ACYP2: variants seen among roughly 807,000 people sequenced by gnomAD.
The protein encoded by ACYP2 is acylphosphatase 2.
ACYP2 carries 12 observed loss-of-function variants against 11.2 expected under a neutral mutation model. The ratio of observed to expected loss-of-function variants is 1.08; its 90% CI spans 0.69 to 1.74. The LOEUF is 1.74. ACYP2 is among the 40% of genes most tolerant of loss of function. ACYP2 has a pLI of 0.00. For synonymous variants in ACYP2, 43 were observed against 32.2 expected, an observed-to-expected ratio of 1.33 and a Z score of -1.13; for missense variants, 134 against 101.9, an observed-to-expected ratio of 1.31 and a Z score of -1.35.
intron 2 of ACYP2, among the ~76,000 whole-genome samples, chr2:53,974,991 A>G (rs1027102503): frequency 2.0e-5 from 3 of 152,134 alleles, no homozygotes; most frequent in African/African-American, 7.2e-5. Flanking sequence ...GGGATCTAGA[A>G]GAATAGAAAT....
At chr2:54,013,733 A>G (rs952721069) in intron 2 of ACYP2, among the ~76,000 whole-genome samples, 1 of 144,202 alleles carries the variant, frequency 6.9e-6, no homozygotes, top group Non-Finnish European at 1.5e-5. Flanking sequence ...AAAAAAGAAA[A>G]AAAAAAAAAA....
chr2:53,971,546 A>G (rs927190975), intron 1 of ACYP2, among the ~76,000 whole-genome samples: 1 of 152,020 alleles, frequency 6.6e-6, no homozygotes, highest in African/African-American at 2.4e-5. Flanking sequence ...CTATTTGAAC[A>G]GCTGTTTTGT....
chr2:54,252,829 G>A (rs1024066022), intron 6 of ACYP2, among the ~76,000 whole-genome samples: 15 of 151,794 alleles, frequency 9.9e-5, no homozygotes, highest in Non-Finnish European at 2.2e-4. Context: ...GTATGAACCT[G>A]GGAGGCGGAG....
chr2:54,241,102 G>T (rs1158189537), intron 6 of ACYP2, among the ~76,000 whole-genome samples: 1 of 152,074 alleles, frequency 6.6e-6, no homozygotes, highest in Non-Finnish European at 1.5e-5. Context: ...TTTCAGCCTT[G>T]GAGCAAGGAG....
chr2:54,297,173 T>A (rs1303531781), intron 6 of ACYP2, among the ~76,000 whole-genome samples: 1 of 152,040 alleles, frequency 6.6e-6, no homozygotes. Context: ...AGGCAAGTAG[T>A]CAAACTGACT....
At chr2:54,157,217 T>C (rs781256433) in intron 6 of ACYP2, among the ~76,000 whole-genome samples, 16 of 152,172 alleles carry the variant, frequency 1.1e-4, no homozygotes, top group African/African-American at 3.6e-4. Flanking sequence ...TGTATATATA[T>C]TGAAAATACA....
At chr2:54,104,528 T>G (rs911533112) in intron 4 of ACYP2, among the ~76,000 whole-genome samples, 5 of 152,166 alleles carry the variant, frequency 3.3e-5, no homozygotes, top group Non-Finnish European at 5.9e-5. Flanking sequence ...TGTAGTTAGA[T>G]TTTACCAAAC....
At chr2:54,271,616 T>C (rs1688309676) in intron 6 of ACYP2, among the ~76,000 whole-genome samples, 1 of 151,980 alleles carries the variant, frequency 6.6e-6, no homozygotes, top group African/African-American at 2.4e-5. Context: ...TAGCCCCTTA[T>C]CAGAGAGACT....
intron 6 of ACYP2, among the ~76,000 whole-genome samples, chr2:54,150,330 G>C (rs375632976): frequency 2.0e-5 from 3 of 152,326 alleles, no homozygotes; most frequent in South Asian, 2.1e-4. Flanking sequence ...CAGACAAGCC[G>C]AGGGTGTTGT....
intron 6 of ACYP2, among the ~76,000 whole-genome samples, chr2:54,179,244 G>A (rs1683602099): frequency 7.2e-6 from 1 of 138,770 alleles, no homozygotes. Flanking sequence ...GGTGTGAGGG[G>A]TGGGTGGGTG....
intron 6 of ACYP2, among the ~76,000 whole-genome samples, chr2:54,298,217 C>T (rs941873912): frequency 2.0e-4 from 30 of 152,174 alleles, no homozygotes; most frequent in African/African-American, 6.5e-4. Flanking sequence ...TTTAGTGTAA[C>T]AGTTACATTT....
At chr2:54,202,332 C>T (rs950362677) in intron 6 of ACYP2, among the ~76,000 whole-genome samples, 9 of 151,284 alleles carry the variant, frequency 5.9e-5, no homozygotes, top group Admixed American at 4.6e-4. Flanking sequence ...TGGTCAAACT[C>T]CTGATCTCAG....
chr2:54,019,865 C>A (rs1673909855), intron 2 of ACYP2, among the ~76,000 whole-genome samples: 1 of 151,792 alleles, frequency 6.6e-6, no homozygotes, highest in Non-Finnish European at 1.5e-5. Flanking sequence ...GGTGATCCAC[C>A]TGCCTCGGCC....
intron 2 of ACYP2, among the ~76,000 whole-genome samples, chr2:54,022,157 T>C (rs987670015): frequency 3.0e-4 from 46 of 152,190 alleles, no homozygotes; most frequent in African/African-American, 1.1e-3. Flanking sequence ...ATTTGCTTTT[T>C]TCCCTCTCTC....
At chr2:54,058,989 A>T (rs1676319967) in intron 4 of ACYP2, among the ~76,000 whole-genome samples, 1 of 151,824 alleles carries the variant, frequency 6.6e-6, no homozygotes, top group Non-Finnish European at 1.5e-5. Context: ...GGGGTTTGGA[A>T]AGTTTCTGGT....
At chr2:54,171,808 A>C (rs1683231864) in intron 6 of ACYP2, among the ~76,000 whole-genome samples, 1 of 152,160 alleles carries the variant, frequency 6.6e-6, no homozygotes. Flanking sequence ...ACGGCTTTTT[A>C]GTTCTTAATA....
chr2:54,194,700 TTC>T (rs1423204442), intron 6 of ACYP2, among the ~76,000 whole-genome samples: 1 of 152,182 alleles, frequency 6.6e-6, no homozygotes, highest in Non-Finnish European at 1.5e-5. Context: ...TGCAAACACT[TTC>T]TGTTGCTTTG....
chr2:54,168,568 G>A (rs1186475067), intron 6 of ACYP2, among the ~76,000 whole-genome samples: 1 of 152,134 alleles, frequency 6.6e-6, no homozygotes, highest in Admixed American at 6.6e-5. Flanking sequence ...CAAGAGAAGT[G>A]TTACTAATAT....
chr2:54,104,130 A>T (rs1042787337), intron 4 of ACYP2, among the ~76,000 whole-genome samples: 4 of 152,232 alleles, frequency 2.6e-5, no homozygotes, highest in African/African-American at 9.6e-5. Context: ...GAGCTGTTCC[A>T]AATGTACAGA....
Sources: allele counts gnomAD v4.1 joint callset (sites outside exome capture counted in the v4.1 genomes callset), GRCh38; gene constraint gnomAD v4.1.1; transcripts MANE v1.5; gene names NCBI Gene and HGNC (gene_info 2026-07-23, HGNC 2026-07-21).